The following ATXN1 variants were observed in gnomAD, a reference collection of about 807,000 sequenced individuals.
The protein encoded by ATXN1 is ataxin-1.
ATXN1 carries 8 observed loss-of-function variants against 56.4 expected under a neutral mutation model. That is an observed-to-expected ratio of 0.14 (90% CI 0.08 to 0.26). ATXN1 has a LOEUF of 0.26. ATXN1 is among the 10% of genes least tolerant of loss of function. The probability of loss-of-function intolerance (pLI) is 1.00; values close to 1 mark genes in which losing one functional copy is unlikely to be tolerated. For synonymous variants in ATXN1, 514 were observed against 494.6 expected, an observed-to-expected ratio of 1.04 and a Z score of -0.52; for missense variants, 987 against 1,106.5, an observed-to-expected ratio of 0.89 and a Z score of 1.53.
intron 2 of ATXN1, among the ~76,000 whole-genome samples, chr6:16,660,380 G>C (rs1758291192): frequency 1.3e-5 from 2 of 152,200 alleles, no homozygotes; most frequent in Admixed American, 1.3e-4. Context: ...TCTCACTCCA[G>C]AGGGTTTTCC....
At chr6:16,569,245 G>A (rs1762286458) in intron 4 of ATXN1, among the ~76,000 whole-genome samples, 1 of 152,160 alleles carries the variant, frequency 6.6e-6, no homozygotes, top group Non-Finnish European at 1.5e-5. Flanking sequence ...GCCTGGCGTG[G>A]TGGTGGCTCA....
chr6:16,735,434 A>G (rs2106351), intron 2 of ATXN1, among the ~76,000 whole-genome samples: 32,703 of 152,134 alleles, frequency 0.21, 4,053 homozygotes, highest in East Asian at 0.57. Context: ...ATCAAGTTCC[A>G]CTTTTTTAAG....
At chr6:16,690,949 TC>T (rs1759031968) in intron 2 of ATXN1, among the ~76,000 whole-genome samples, 1 of 152,032 alleles carries the variant, frequency 6.6e-6, no homozygotes, top group Admixed American at 6.6e-5. Context: ...ATGACTAAGC[TC>T]TGAAAACTGA....
chr6:16,555,555 A>T (rs1422211725), intron 4 of ATXN1, among the ~76,000 whole-genome samples: 1 of 152,170 alleles, frequency 6.6e-6, no homozygotes, highest in African/African-American at 2.4e-5. Context: ...TACAATCGGA[A>T]AATCACATAA....
At chr6:16,416,492 C>A (rs1758912044) in intron 6 of ATXN1, among the ~76,000 whole-genome samples, 1 of 152,212 alleles carries the variant, frequency 6.6e-6, no homozygotes, top group African/African-American at 2.4e-5. Context: ...CAATACCTGC[C>A]TTACAGGGCT....
intron 7 of ATXN1, among the ~76,000 whole-genome samples, chr6:16,311,739 C>T (rs1455423980): frequency 1.4e-5 from 2 of 138,524 alleles, no homozygotes; most frequent in Non-Finnish European, 3.0e-5. Flanking sequence ...CTCTTAGAGT[C>T]ATTAACAACA....
At chr6:16,320,212 C>T (rs1350505068) in intron 7 of ATXN1, among the ~76,000 whole-genome samples, 1 of 152,076 alleles carries the variant, frequency 6.6e-6, no homozygotes, top group Non-Finnish European at 1.5e-5. Flanking sequence ...TGACTCACAG[C>T]TCACAGAAGT....
At position 16,301,562 on chromosome 6, in the gene ATXN1, CAA is replaced by C. The variant is rs1440659509; in HGVS notation, c.*4765_*4766del. ...TATTTCAGAAATTCTGGGTTAAAAA[CAA>C]ATGTGGAAGCAAAGGCCTCCACGCC... On this transcript the variant is annotated 3_prime_UTR_variant, in exon 8 of 8. Transcript: ENST00000436367. 6.6e-6 allele frequency: 1 copy of C among 151,734 alleles called. No homozygotes were observed. The highest frequency in any genetic ancestry group is 1.5e-5 in the Non-Finnish European group (1 of 67,830). 9.4% of individuals were successfully genotyped at this position (151,734 alleles called of 1,614,324 possible). A position where few individuals can be genotyped will look rare whatever the true frequency, so the allele number is the denominator to read the frequency against.
At chr6:16,430,513 C>G (rs1281167682) in intron 6 of ATXN1, among the ~76,000 whole-genome samples, 1 of 152,156 alleles carries the variant, frequency 6.6e-6, no homozygotes. Context: ...CCTTTTACCA[C>G]CAATAATTTG....
chr6:16,465,252 C>T (rs1446623857), intron 6 of ATXN1, among the ~76,000 whole-genome samples: 3 of 152,010 alleles, frequency 2.0e-5, no homozygotes, highest in Non-Finnish European at 4.4e-5. Flanking sequence ...CACCAAAGGG[C>T]AGGAGACCAG....
intron 6 of ATXN1, among the ~76,000 whole-genome samples, chr6:16,434,771 A>G (rs1759353257): frequency 6.6e-6 from 1 of 152,228 alleles, no homozygotes; most frequent in Non-Finnish European, 1.5e-5. Flanking sequence ...GGGGAGAAAC[A>G]GGAAGCTCCC....
chr6:16,311,801 G>T (rs1760397229), intron 7 of ATXN1, among the ~76,000 whole-genome samples: 1 of 152,296 alleles, frequency 6.6e-6, no homozygotes, highest in Admixed American at 6.5e-5. Context: ...TTGTTTTGCT[G>T]CAAATCCAAG....
Position 16,299,929 on chromosome 6 carries a change from T to TGAAA in ATXN1, c.*6396_*6399dup. On this transcript the variant is annotated 3_prime_UTR_variant, in exon 8 of 8. Transcript: ENST00000436367. Reference sequence around the variant, plus strand: ...TTACCCCACTCCTGGGCCAGAAAACTGAAAGAGTAGGTGGTTCCTGTAAGA... The same window carrying TGAAA: ...TTACCCCACTCCTGGGCCAGAAAACTGAAAGAAAGAGTAGGTGGTTCCTGTAAGA... 1 of 152,776 alleles carries TGAAA rather than the reference T, an allele frequency of 6.5e-6. No individual in the cohort carries two copies. The highest frequency in any genetic ancestry group is 2.1e-4 in the South Asian group (1 of 4,824). The allele number at this position is 152,776 out of a possible 1,614,324, so 9.5% of individuals were successfully genotyped here. A position where few individuals can be genotyped will look rare whatever the true frequency, so the allele number is the denominator to read the frequency against.
At chr6:16,334,109 T>C (rs1178433512) in intron 6 of ATXN1, among the ~76,000 whole-genome samples, 3 of 152,238 alleles carry the variant, frequency 2.0e-5, no homozygotes, top group African/African-American at 2.4e-5. Flanking sequence ...TTTTTAGTTC[T>C]GTTCTATTCA....
Position 16,701,178 on chromosome 6 carries a change from G to C in ATXN1, c.-614-43277C>G, listed in dbSNP as rs142339743. 2.9e-3 allele frequency among the ~76,000 whole-genome samples: 447 copies of C among 152,258 alleles called. 3 individuals are homozygous for C. Among genetic ancestry groups the C allele is most frequent in the African/African-American group, 9.9e-3 (413 of 41,546 alleles). On this transcript the variant is annotated intron_variant, in intron 2 of 7. Coordinates refer to ENST00000436367, the MANE Select transcript of ATXN1 (RefSeq NM_001128164.2). Reference sequence around the variant, plus strand: ...GATACAGAAACTACACAAAGAAAGAGACAGAGGAAAAAAGAAGATTACCCT... The same window carrying C: ...GATACAGAAACTACACAAAGAAAGACACAGAGGAAAAAAGAAGATTACCCT...
chr6:16,480,455 G>A (rs1046065023), intron 6 of ATXN1, among the ~76,000 whole-genome samples: 4 of 151,900 alleles, frequency 2.6e-5, no homozygotes, highest in East Asian at 1.9e-4. Flanking sequence ...AAATTCCAGC[G>A]CTGACAACTC....
At chr6:16,607,287 C>T (rs1009310441) in intron 3 of ATXN1, among the ~76,000 whole-genome samples, 19 of 152,192 alleles carry the variant, frequency 1.2e-4, no homozygotes, top group Non-Finnish European at 2.5e-4. Flanking sequence ...AAAGGGTTGG[C>T]GTAAGGGACC....
intron 2 of ATXN1, among the ~76,000 whole-genome samples, chr6:16,723,572 A>T (rs773301987): frequency 3.7e-4 from 57 of 152,182 alleles, no homozygotes; most frequent in Non-Finnish European, 6.6e-4. Context: ...CTCGTAGGCT[A>T]AATTTCCTTA....
At chr6:16,442,984 C>T (rs1470878806) in intron 6 of ATXN1, among the ~76,000 whole-genome samples, 3 of 151,918 alleles carry the variant, frequency 2.0e-5, no homozygotes, top group Non-Finnish European at 1.5e-5. Flanking sequence ...TGCTCTCCAG[C>T]CCGGGTGACA....
Sources: gnomAD v4.1 joint callset for allele counts (sites outside exome capture counted in the v4.1 genomes callset) on GRCh38, gnomAD v4.1.1 for gene constraint, MANE v1.5 for transcripts, NCBI Gene and HGNC (gene_info 2026-07-23, HGNC 2026-07-21) for gene names.